SAMSN1: variants seen among roughly 807,000 people sequenced by gnomAD.
The protein encoded by SAMSN1 is SAM domain-containing protein SAMSN-1.
Under a neutral mutation model 42.0 loss-of-function variants are expected in SAMSN1, and 31 were observed. The observed-to-expected ratio is 0.74, with a 90% confidence interval of 0.55 to 1.00. The LOEUF is 1.00. Ranked by LOEUF, SAMSN1 falls within the 50% of genes least tolerant of loss-of-function variation. SAMSN1 has a pLI of 0.00. For missense variants in SAMSN1, 464 were observed against 439.4 expected (o/e 1.06, Z -0.50); for synonymous variants, 178 against 151.9 (o/e 1.17, Z -1.26).
At chr21:14,646,906 A>G (rs1427049342) in intron 1 of SAMSN1, among the ~76,000 whole-genome samples, 3 of 152,218 alleles carry the variant, frequency 2.0e-5, no homozygotes, top group African/African-American at 4.8e-5. Context: ...AAACCAAAAA[A>G]CATACAATGA....
intron 7 of SAMSN1, among the ~76,000 whole-genome samples, chr21:14,494,403 C>A (rs925073991): frequency 2.6e-5 from 4 of 152,144 alleles, no homozygotes; most frequent in Admixed American, 6.5e-5. Context: ...AGTTTATGTC[C>A]TTTACAGGGA....
At chr21:14,632,739 C>T (rs1380544103) in intron 2 of SAMSN1, among the ~76,000 whole-genome samples, 2 of 152,088 alleles carry the variant, frequency 1.3e-5, no homozygotes, top group South Asian at 2.1e-4. Context: ...CAACTGTGGG[C>T]CCAAAGGTTT....
chr21:14,502,535 T>TG (rs1987211076), intron 5 of SAMSN1, among the ~76,000 whole-genome samples: 3 of 152,300 alleles, frequency 2.0e-5, no homozygotes, highest in East Asian at 3.9e-4. Context: ...CATGGGTAAC[T>TG]GGGGAATTCC....
intron 6 of SAMSN1, among the ~76,000 whole-genome samples, chr21:14,601,790 A>G (rs1414448594): frequency 6.6e-6 from 1 of 152,192 alleles, no homozygotes. Context: ...AGGCTGTACA[A>G]CATGATGTTT....
intron 1 of SAMSN1, among the ~76,000 whole-genome samples, chr21:14,651,648 A>T (rs1161499866): frequency 6.6e-6 from 1 of 152,044 alleles, no homozygotes; most frequent in Non-Finnish European, 1.5e-5. Flanking sequence ...CACCAGTGTT[A>T]TTCCACATAG....
intron 1 of SAMSN1, among the ~76,000 whole-genome samples, chr21:14,525,028 T>G (rs1978750921): frequency 6.6e-6 from 1 of 151,988 alleles, no homozygotes; most frequent in Non-Finnish European, 1.5e-5. Flanking sequence ...TTTCATCAAC[T>G]AAATAGTTCA....
At chr21:14,627,042 C>T (rs966506022) in intron 2 of SAMSN1, among the ~76,000 whole-genome samples, 5 of 152,098 alleles carry the variant, frequency 3.3e-5, no homozygotes, top group African/African-American at 1.2e-4. Flanking sequence ...AAACCAAACA[C>T]TGCATGTTCT....
chr21:14,490,686 A>G (rs935003939), intron 7 of SAMSN1, among the ~76,000 whole-genome samples: 4 of 152,226 alleles, frequency 2.6e-5, no homozygotes, highest in African/African-American at 7.2e-5. Context: ...ACAACAACAA[A>G]TTAAGAATAG....
intron 7 of SAMSN1, among the ~76,000 whole-genome samples, chr21:14,493,594 CACACACACACACACACA>C (rs1986787076): frequency 1.3e-5 from 2 of 150,148 alleles, no homozygotes; most frequent in Non-Finnish European, 2.9e-5. Flanking sequence ...CACACACACA[CACACACACACACACACA>C]CATATTTTCT....
At chr21:14,561,496 C>G (rs1248962458) in intron 2 of SAMSN1, among the ~76,000 whole-genome samples, 1 of 152,098 alleles carries the variant, frequency 6.6e-6, no homozygotes, top group Non-Finnish European at 1.5e-5. Flanking sequence ...GAATAATTCC[C>G]TACATCAAAT....
chr21:14,583,640 TCTTA>T (rs1324808673), upstream of SAMSN1: 1 of 717,122 alleles, frequency 1.4e-6, no homozygotes, highest in East Asian at 2.7e-5. Flanking sequence ...CTTATTGAGT[TCTTA>T]CTTACGGAGG....
chr21:14,495,866 G>A (rs893122389), intron 7 of SAMSN1: 5 of 152,138 alleles, frequency 3.3e-5, no homozygotes, highest in African/African-American at 9.7e-5. Flanking sequence ...CCTTGCAATG[G>A]AAGAATTTTG....
intron 2 of SAMSN1, among the ~76,000 whole-genome samples, chr21:14,621,848 G>T (rs28824878): frequency 6.6e-6 from 1 of 152,144 alleles, no homozygotes; most frequent in African/African-American, 2.4e-5. Flanking sequence ...CCTGACCCTC[G>T]AGTAGCCTAA....
At chr21:14,600,383 T>C in intron 6 of SAMSN1, among the ~76,000 whole-genome samples, 1 of 152,224 alleles carries the variant, frequency 6.6e-6, no homozygotes, top group Non-Finnish European at 1.5e-5. Context: ...GAATGTCTAC[T>C]GTGAATAAAA....
chr21:14,654,379 C>T (rs762250769), intron 1 of SAMSN1, among the ~76,000 whole-genome samples: 10 of 151,964 alleles, frequency 6.6e-5, no homozygotes, highest in African/African-American at 9.7e-5. Flanking sequence ...CTCTAAAATA[C>T]GTAAACATGT....
chr21:14,560,664 ATCTC>A (rs1980915286), intron 2 of SAMSN1, among the ~76,000 whole-genome samples: 1 of 152,204 alleles, frequency 6.6e-6, no homozygotes, highest in Non-Finnish European at 1.5e-5. Context: ...AGAAAGGTAT[ATCTC>A]TCTATTTCCC....
At chr21:14,657,122 C>T (rs993672334) in intron 1 of SAMSN1, among the ~76,000 whole-genome samples, 2 of 151,718 alleles carry the variant, frequency 1.3e-5, no homozygotes, top group African/African-American at 4.8e-5. Context: ...TGGTTGAGAA[C>T]CTACACTAAA....
rs543285747 is a variant in SAMSN1 at position 14,597,832 on chromosome 21, T to C, written c.400-3754A>G. ...CACGGCTGGAAGACAGCTGCTGACT[T>C]ACCAGGTATTACATCCAGCTCCAGG... On this transcript the variant is annotated intron_variant, in intron 6 of 15. Transcript: ENST00000647101. 11 of 152,322 alleles carry C rather than the reference T, an allele frequency of 7.2e-5. No homozygotes were observed. The East Asian group carries it at 1.9e-3, about 27-fold the overall frequency. 9.4% of individuals were successfully genotyped at this position (152,322 alleles called of 1,614,324 possible).
intron 2 of SAMSN1, among the ~76,000 whole-genome samples, chr21:14,565,863 T>C (rs1410167898): frequency 6.6e-6 from 1 of 152,196 alleles, no homozygotes; most frequent in Non-Finnish European, 1.5e-5. Flanking sequence ...AGGAGTTTAA[T>C]AAATATTTGG....
Sources: gnomAD v4.1 joint callset for allele counts (sites outside exome capture counted in the v4.1 genomes callset) on GRCh38, gnomAD v4.1.1 for gene constraint, MANE v1.5 for transcripts, NCBI Gene and HGNC (gene_info 2026-07-23, HGNC 2026-07-21) for gene names.